NOX4: variants seen among roughly 807,000 people sequenced by gnomAD.
NOX4 encodes the protein NADPH oxidase 4.
Under a neutral mutation model 87.6 loss-of-function variants are expected in NOX4, and 69 were observed. That is an observed-to-expected ratio of 0.79 (90% CI 0.65 to 0.96). NOX4 has a LOEUF of 0.96. Among genes scored for constraint, NOX4 ranks in the 40% least tolerant of loss-of-function variants. NOX4 has a pLI of 0.00. For missense variants in NOX4, 680 were observed against 681.5 expected, an observed-to-expected ratio of 1.00 and a Z score of 0.02; for synonymous variants, 275 against 238.2, an observed-to-expected ratio of 1.15 and a Z score of -1.42.
At chr11:89,488,526 T>C (rs1436454) in intron 2 of NOX4, among the ~76,000 whole-genome samples, 33,469 of 152,018 alleles carry the variant, frequency 0.22, 5,056 homozygotes, top group African/African-American at 0.43. Flanking sequence ...AATTAATGAG[T>C]TGGTTTCCAA....
the NOX4 span, among the ~76,000 whole-genome samples, chr11:89,505,139 C>A: frequency 6.6e-6 from 1 of 151,954 alleles, no homozygotes; most frequent in Admixed American, 6.6e-5. Flanking sequence ...AGAACCCTAA[C>A]ACAGGAATAT....
At chr11:89,411,198 T>C (rs1811568661) in intron 8 of NOX4, among the ~76,000 whole-genome samples, 1 of 152,136 alleles carries the variant, frequency 6.6e-6, no homozygotes, top group African/African-American at 2.4e-5. Flanking sequence ...TAAAGAGCCA[T>C]TGGCCCTTGA....
At chr11:89,340,240 T>G in intron 14 of NOX4, 69 bp from the exon 15 acceptor site, 1 of 1,083,606 alleles carries the variant, frequency 9.2e-7, no homozygotes, top group South Asian at 1.4e-5. Flanking sequence ...TCGTATATTT[T>G]TTAAAGTTTC....
At chr11:89,426,458 AATTCCCTTGGCTAGCCAAGGG>A (rs1943418182) in intron 7 of NOX4, among the ~76,000 whole-genome samples, 7 of 151,932 alleles carry the variant, frequency 4.6e-5, no homozygotes, top group Admixed American at 4.6e-4. Flanking sequence ...GGGGTCAAGG[AATTCCCTTGGCTAGCCAAGGG>A]AAGCTGTGAC....
chr11:89,405,944 A>C (rs1942154458), intron 8 of NOX4, among the ~76,000 whole-genome samples: 1 of 152,042 alleles, frequency 6.6e-6, no homozygotes, highest in Non-Finnish European at 1.5e-5. Context: ...CTTTATGGAC[A>C]ATCTTTAAAT....
chr11:89,510,630 G>A, the NOX4 span, among the ~76,000 whole-genome samples: 2 of 151,950 alleles, frequency 1.3e-5, no homozygotes, highest in Non-Finnish European at 2.9e-5. Flanking sequence ...AATAATAGCA[G>A]ACACCCATAG....
chr11:89,328,566 G>T lies in NOX4; in HGVS notation c.1617-1690C>A, dbSNP rs184144531. On this transcript the variant is annotated intron_variant, in intron 17 of 17. Coordinates refer to ENST00000263317, the MANE Select transcript of NOX4 (RefSeq NM_016931.5). ...ATTAAAATAAATAAATCAAAATTTG[G>T]CAACTAACATTTAAACTTTAAAATG... Among the ~76,000 whole-genome samples the T allele has an allele frequency of 3.9e-5, 6 of 152,114 alleles. No homozygotes were observed. The South Asian group carries it at 8.3e-4, about 21-fold the overall frequency.
At chr11:89,411,343 A>T (rs985894252) in intron 8 of NOX4, among the ~76,000 whole-genome samples, 6 of 152,142 alleles carry the variant, frequency 3.9e-5, no homozygotes, top group Non-Finnish European at 8.8e-5. Context: ...GCGTAAGAAA[A>T]GGAAAGGGAA....
At chr11:89,344,156 T>C (rs1946119761) in intron 13 of NOX4, among the ~76,000 whole-genome samples, 1 of 151,048 alleles carries the variant, frequency 6.6e-6, no homozygotes, top group African/African-American at 2.4e-5. Context: ...AAAGTAAAGG[T>C]TTGTAATTTA....
chr11:89,464,321 T>C (rs533473126), intron 2 of NOX4, among the ~76,000 whole-genome samples: 1 of 152,234 alleles, frequency 6.6e-6, no homozygotes, highest in East Asian at 1.9e-4. Context: ...TTCTCATACA[T>C]GTTTGTTCCT....
intron 12 of NOX4, among the ~76,000 whole-genome samples, chr11:89,372,650 A>G (rs1295130734): frequency 1.3e-5 from 2 of 151,306 alleles, no homozygotes; most frequent in Non-Finnish European, 3.0e-5. Context: ...CCTAGACCAC[A>G]TTTAATCTAC....
the NOX4 span, among the ~76,000 whole-genome samples, chr11:89,527,072 G>A: frequency 1.3e-5 from 2 of 152,164 alleles, no homozygotes; most frequent in Non-Finnish European, 2.9e-5. Flanking sequence ...TGGAATAAAG[G>A]TGACTCTTAC....
upstream of NOX4, chr11:89,491,504 G>T (rs1470858671): frequency 8.4e-6 from 4 of 473,876 alleles, no homozygotes; most frequent in South Asian, 3.2e-5. Flanking sequence ...GACGCCCAGC[G>T]CTCTGAGCGC....
intron 5 of NOX4, among the ~76,000 whole-genome samples, chr11:89,442,704 G>C (rs1043580136): frequency 6.6e-6 from 1 of 152,050 alleles, no homozygotes; most frequent in Non-Finnish European, 1.5e-5. Flanking sequence ...TTACTTGAGA[G>C]TTTTAAAATA....
chr11:89,512,551 C>T, the NOX4 span, among the ~76,000 whole-genome samples: 4 of 152,040 alleles, frequency 2.6e-5, no homozygotes, highest in Non-Finnish European at 4.4e-5. Flanking sequence ...TGATTTATTT[C>T]ACTAAGCATA....
chr11:89,508,078 TTAAAAATAA>T, the NOX4 span, among the ~76,000 whole-genome samples: 1 of 152,018 alleles, frequency 6.6e-6, no homozygotes, highest in Non-Finnish European at 1.5e-5. Context: ...AAACATGCTT[TTAAAAATAA>T]TATAATGCAA....
Position 89,421,869 on chromosome 11 carries a change from AATGGTTTTAAATACATAC to A in NOX4, c.629+15_629+32del. 1 of 1,367,732 alleles carries A rather than the reference AATGGTTTTAAATACATAC, an allele frequency of 7.3e-7. No homozygotes were observed. The highest frequency in any genetic ancestry group is 1.0e-6 in the Non-Finnish European group (1 of 997,322). 84.7% of individuals were successfully genotyped at this position (1,367,732 alleles called of 1,614,324 possible). ...TTTCATTACCCCATTTTGGGGCACA[AATGGTTTTAAATACATAC>A]ATTTGTAAACTTACCCTGAAACATG... On this transcript the variant is annotated intron_variant, in intron 8 of 17. Transcript: ENST00000263317.
At chr11:89,396,050 G>A (rs1476905197) in intron 11 of NOX4, among the ~76,000 whole-genome samples, 2 of 152,164 alleles carry the variant, frequency 1.3e-5, no homozygotes, top group African/African-American at 4.8e-5. Context: ...GAAAGTCATA[G>A]GTAGCTTGAT....
At chr11:89,555,072 G>C in the NOX4 span, among the ~76,000 whole-genome samples, 12 of 152,020 alleles carry the variant, frequency 7.9e-5, no homozygotes, top group Non-Finnish European at 1.5e-4. Flanking sequence ...AGTGGTACAA[G>C]ACTTATAATA....
Sources: gnomAD v4.1 joint callset for allele counts (sites outside exome capture counted in the v4.1 genomes callset) on GRCh38, gnomAD v4.1.1 for gene constraint, MANE v1.5 for transcripts, NCBI Gene and HGNC (gene_info 2026-07-23, HGNC 2026-07-21) for gene names.